Variants in PCED1B observed in about 807,000 individuals in gnomAD.
PCED1B encodes the protein PC-esterase domain-containing protein 1B.
For synonymous variants in PCED1B, 251 were observed against 246.1 expected (o/e 1.02, Z -0.19); for missense variants, 573 against 573.9 (o/e 1.00, Z 0.02).
chr12:47,200,677 A>G lies in PCED1B; in HGVS notation c.-525-15545A>G, dbSNP rs115181542. ...GCATTTGAATGTTTGTAGCAGCTCT[A>G]TCATAATTTCCAAAACTTGGCAGCA... On this transcript the variant is annotated intron_variant, in intron 2 of 3. Coordinates refer to ENST00000546455, the MANE Select transcript of PCED1B (RefSeq NM_138371.3). Among the ~76,000 whole-genome samples, 799 of 152,362 alleles carry G rather than the reference A, an allele frequency of 5.2e-3. 8 individuals carry two copies. The highest frequency in any genetic ancestry group is 0.018 in the African/African-American group (743 of 41,590).
chr12:47,115,845 A>G (rs1029325330), intron 2 of PCED1B, among the ~76,000 whole-genome samples: 1 of 152,240 alleles, frequency 6.6e-6, no homozygotes, highest in Non-Finnish European at 1.5e-5. Flanking sequence ...AAATAATTGT[A>G]TACGACAAAG....
At chr12:47,117,866 C>A (rs959430897) in intron 2 of PCED1B, among the ~76,000 whole-genome samples, 1 of 152,144 alleles carries the variant, frequency 6.6e-6, no homozygotes, top group African/African-American at 2.4e-5. Flanking sequence ...CCTGTTGTTT[C>A]CTGACTTTTT....
intron 3 of PCED1B, among the ~76,000 whole-genome samples, chr12:47,217,452 GAAAGAA>G (rs1943301648): frequency 6.3e-5 from 4 of 63,286 alleles, no homozygotes; most frequent in African/African-American, 1.9e-4. Flanking sequence ...AAGAAAGAAA[GAAAGAA>G]AAAGAAAGAA....
At chr12:47,135,884 T>C in intron 2 of PCED1B, 3 of 344,420 alleles carry the variant, frequency 8.7e-6, no homozygotes, top group Non-Finnish European at 5.9e-6. Flanking sequence ...TGAAGAGGGT[T>C]TGGACAGTGT....
intron 1 of PCED1B, among the ~76,000 whole-genome samples, chr12:47,102,881 C>A (rs1938773947): frequency 6.6e-6 from 1 of 152,142 alleles, no homozygotes; most frequent in Non-Finnish European, 1.5e-5. Flanking sequence ...TTTCCTTTAG[C>A]CATTTTTGCA....
intron 1 of PCED1B, among the ~76,000 whole-genome samples, chr12:47,086,520 T>C (rs574274451): frequency 1.2e-4 from 18 of 152,288 alleles, no homozygotes; most frequent in Admixed American, 7.2e-4. Context: ...TTTTTCTTTG[T>C]CATAATTATA....
At chr12:47,210,119 G>A (rs924649478) in intron 2 of PCED1B, 2 of 152,312 alleles carry the variant, frequency 1.3e-5, no homozygotes, top group Middle Eastern at 3.4e-3. Flanking sequence ...AACATGATTC[G>A]TTTAGAATTT....
rs571086541 is a variant in PCED1B, at chr12:47,108,242, C to A, written c.-526+4047C>A. 3.9e-5 allele frequency among the ~76,000 whole-genome samples: 6 copies of A among 152,250 alleles called. No individual in the cohort carries two copies. The South Asian group carries it at 1.0e-3, about 26-fold the overall frequency. Reference sequence around the variant, plus strand: ...GTGGACTTAGGATGTGAGCAGGAGGCAAAACACAGGGAAAGTAGCCTGAGT... The same window carrying A: ...GTGGACTTAGGATGTGAGCAGGAGGAAAAACACAGGGAAAGTAGCCTGAGT... On this transcript the variant is annotated intron_variant, in intron 2 of 3. Coordinates refer to ENST00000546455, the MANE Select transcript of PCED1B (RefSeq NM_138371.3).
chr12:47,122,398 A>G (rs1209739222), intron 2 of PCED1B, among the ~76,000 whole-genome samples: 1 of 152,186 alleles, frequency 6.6e-6, no homozygotes, highest in Non-Finnish European at 1.5e-5. Flanking sequence ...TACTCCCTTG[A>G]TCCAGAACTT....
chr12:47,112,481 G>A (rs1414314126), intron 2 of PCED1B, among the ~76,000 whole-genome samples: 2 of 152,218 alleles, frequency 1.3e-5, no homozygotes, highest in African/African-American at 4.8e-5. Flanking sequence ...CATGATGTTA[G>A]TGGAGGAAAT....
chr12:47,223,362 T>C (rs1311997825), intron 3 of PCED1B: 1 of 151,740 alleles, frequency 6.6e-6, no homozygotes, highest in Non-Finnish European at 1.5e-5. Context: ...TTTGATCCAG[T>C]CAGAGCCAAA....
chr12:47,236,238 C>T lies in PCED1B; in HGVS notation c.1175C>T (p.Pro392Leu), dbSNP rs1565622106. ...PFFPTPRYQRPAPVVHRGFGR... is the reference protein window; with the variant it reads ...PFFPTPRYQRLAPVVHRGFGR... ...TTCCCCACACCCCGTTATCAGCGGC[C>T]TGCCCCAGTGGTACATAGGGGTTTT... is the stretch of plus-strand genomic sequence containing the variant. Residue 392 changes from proline (P) to leucine (L), a missense_variant, in exon 4 of 4, where the codon CCT (proline) becomes CTT (leucine). By Grantham distance (98) the Pro-to-Leu change is moderately conservative. Transcript: ENST00000546455. The T allele has an allele frequency of 6.2e-7, 1 of 1,614,192 alleles. No homozygotes were observed. Among genetic ancestry groups the T allele is most frequent in the East Asian group, 2.2e-5 (1 of 44,868 alleles).
intron 2 of PCED1B, among the ~76,000 whole-genome samples, chr12:47,147,093 T>C (rs1246286260): frequency 6.9e-6 from 1 of 144,440 alleles, no homozygotes; most frequent in Non-Finnish European, 1.5e-5. Flanking sequence ...TTCCACCTCC[T>C]GGGCTCAAGC....
intron 2 of PCED1B, among the ~76,000 whole-genome samples, chr12:47,199,803 T>C (rs928183422): frequency 6.6e-6 from 1 of 152,216 alleles, no homozygotes; most frequent in Non-Finnish European, 1.5e-5. Context: ...CTAGGTGACC[T>C]TGTGTTTAGT....
intron 2 of PCED1B, among the ~76,000 whole-genome samples, chr12:47,188,500 G>A (rs1942345029): frequency 6.6e-6 from 1 of 152,148 alleles, no homozygotes; most frequent in Non-Finnish European, 1.5e-5. Context: ...TTTCTAATGT[G>A]TAACTTTTGC....
chr12:47,122,439 A>C (rs938003261), intron 2 of PCED1B, among the ~76,000 whole-genome samples: 1 of 152,236 alleles, frequency 6.6e-6, no homozygotes, highest in Non-Finnish European at 1.5e-5. Context: ...TGTGACTTAC[A>C]TCATAATTGC....
At chr12:47,191,257 G>C (rs560662062) in intron 2 of PCED1B, among the ~76,000 whole-genome samples, 4 of 152,170 alleles carry the variant, frequency 2.6e-5, no homozygotes, top group Non-Finnish European at 5.9e-5. Flanking sequence ...TTTACAAAGG[G>C]ACACCACTGA....
chr12:47,231,894 T>G (rs1943819185), intron 3 of PCED1B, among the ~76,000 whole-genome samples: 1 of 152,164 alleles, frequency 6.6e-6, no homozygotes, highest in Non-Finnish European at 1.5e-5. Flanking sequence ...AGGAAAGGGT[T>G]TCCGTCTTCA....
chr12:47,218,496 A>G (rs1391146943), intron 3 of PCED1B, among the ~76,000 whole-genome samples: 4 of 152,032 alleles, frequency 2.6e-5, no homozygotes, highest in Admixed American at 6.6e-5. Flanking sequence ...AGTAAAAGCC[A>G]AGGCAGAGAC....
Sources: gnomAD v4.1 joint callset for allele counts (sites outside exome capture counted in the v4.1 genomes callset) on GRCh38, gnomAD v4.1.1 for gene constraint, MANE v1.5 for transcripts, NCBI Gene and HGNC (gene_info 2026-07-23, HGNC 2026-07-21) for gene names.